MAGI1: variants seen among roughly 807,000 people sequenced by gnomAD.
MAGI1 encodes membrane associated guanylate kinase, WW and PDZ domain containing 1.
A neutral mutation model predicts 139.9 loss-of-function variants in MAGI1; 58 were observed. The observed-to-expected ratio is 0.41, with a 90% CI of 0.34 to 0.52. The LOEUF (loss-of-function observed/expected upper bound fraction) is 0.52, where lower values mean the gene tolerates loss of function less well. MAGI1 is among the 20% of genes least tolerant of loss of function. The pLI is 0.12. For missense variants in MAGI1, 1,874 were observed against 1,901.6 expected (o/e 0.99, Z 0.27); for synonymous variants, 812 against 737.9 (o/e 1.10, Z -1.63).
chr3:65,680,639 T>C (rs1164200190), intron 1 of MAGI1, among the ~76,000 whole-genome samples: 1 of 152,166 alleles, frequency 6.6e-6, no homozygotes, highest in Non-Finnish European at 1.5e-5. Flanking sequence ...CAGGCTGGTC[T>C]TGAACTCCTG....
chr3:65,560,003 TC>T (rs1441123552), intron 2 of MAGI1, among the ~76,000 whole-genome samples: 1 of 151,854 alleles, frequency 6.6e-6, no homozygotes, highest in Admixed American at 6.6e-5. Context: ...ACCACTACAC[TC>T]CAGCCTGGGC....
intron 1 of MAGI1, among the ~76,000 whole-genome samples, chr3:66,014,325 A>G (rs2107521009): frequency 6.6e-6 from 1 of 152,328 alleles, no homozygotes; most frequent in African/African-American, 2.4e-5. Context: ...TAAGGCACAC[A>G]CAAGCATACC....
In MAGI1 at chr3:65,589,255, C is replaced by A. The variant is rs114243054; in HGVS notation, c.430+32717G>T. Among the ~76,000 whole-genome samples the A allele has an allele frequency of 7.6e-3, 1,153 of 152,226 alleles. 8 individuals are homozygous for A. Among genetic ancestry groups the A allele is most frequent in the Admixed American group, 0.011 (164 of 15,290 alleles). On this transcript the variant is annotated intron_variant, in intron 2 of 22. Coordinates refer to ENST00000402939, the MANE Select transcript of MAGI1 (RefSeq NM_001033057.2). ...TATATTTTTATATATTAACAAGATACTATGAAAACAGATTCAAACTTAAAC... is the reference window on the plus strand; with the variant it reads ...TATATTTTTATATATTAACAAGATAATATGAAAACAGATTCAAACTTAAAC...
intron 1 of MAGI1, among the ~76,000 whole-genome samples, chr3:65,952,735 A>G (rs574057921): frequency 2.0e-5 from 3 of 152,272 alleles, no homozygotes; most frequent in East Asian, 3.9e-4. Flanking sequence ...AATGGCGTGA[A>G]CCCAGGAGGT....
intron 1 of MAGI1, among the ~76,000 whole-genome samples, chr3:65,811,299 C>G (rs1272790680): frequency 2.0e-5 from 3 of 152,186 alleles, no homozygotes; most frequent in South Asian, 2.1e-4. Flanking sequence ...CACTGACATT[C>G]CCCGGTAAGA....
Position 65,740,931 on chromosome 3 carries a change from T to C in MAGI1, c.314-118843A>G, listed in dbSNP as rs952287745. Among the ~76,000 whole-genome samples, 10 of 152,222 alleles carry C rather than the reference T, an allele frequency of 6.6e-5. No homozygotes were observed. The South Asian group carries it at 1.4e-3, about 22-fold the overall frequency. Reference sequence around the variant, plus strand: ...TGAGATCACTATTTTTCCTTCTTTATGCTTTTCTATCTTTCCTAAGTATTT... The same window carrying C: ...TGAGATCACTATTTTTCCTTCTTTACGCTTTTCTATCTTTCCTAAGTATTT... On this transcript the variant is annotated intron_variant, in intron 1 of 22. Transcript: ENST00000402939.
At chr3:65,826,752 C>T (rs1183623140) in intron 1 of MAGI1, among the ~76,000 whole-genome samples, 1 of 151,608 alleles carries the variant, frequency 6.6e-6, no homozygotes, top group African/African-American at 2.4e-5. Flanking sequence ...CATCTCAGAT[C>T]CTCCATAAAC....
intron 4 of MAGI1, 22 bp from the exon 5 acceptor site, chr3:65,470,506 TGAGAGAGAGA>T: frequency 2.2e-6 from 3 of 1,351,670 alleles, no homozygotes; most frequent in Non-Finnish European, 3.0e-6. Context: ...TGTGAAGAGG[TGAGAGAGAGA>T]GAGAGAGAAA....
Position 65,356,483 on chromosome 3 carries a change from T to C in MAGI1, c.4284A>G (p.Glu1428=). 1 of 1,611,884 alleles carries C rather than the reference T, an allele frequency of 6.2e-7. No individual in the cohort carries two copies. The highest frequency in any genetic ancestry group is 8.5e-7 in the Non-Finnish European group (1 of 1,179,974). Residue 1428 remains glutamate (E), a synonymous_variant, in exon 23 of 23, where the codon GAA becomes GAG. Transcript: ENST00000402939. The stretch of plus-strand genomic sequence containing the variant: ...CCTGTTTCAGATTCGCCTCTTCCCT[T>C]TCTCGGTGGCTGGCTCTGTCCTCTC... ...RNREDRASHR[E]REEANLKQDA...
chr3:65,543,213 G>A (rs528180821), intron 2 of MAGI1, among the ~76,000 whole-genome samples: 390 of 152,208 alleles, frequency 2.6e-3, no homozygotes, highest in Non-Finnish European at 3.8e-3. Flanking sequence ...ACCATCTCAC[G>A]CCAGTTAGAA....
chr3:66,028,086 C>T (rs2068390407), intron 1 of MAGI1, among the ~76,000 whole-genome samples: 1 of 152,204 alleles, frequency 6.6e-6, no homozygotes, highest in Admixed American at 6.5e-5. Flanking sequence ...AGGCAGATCG[C>T]TTGAGCCCAG....
chr3:65,623,154 G>C (rs2083775016), intron 1 of MAGI1, among the ~76,000 whole-genome samples: 1 of 152,166 alleles, frequency 6.6e-6, no homozygotes, highest in East Asian at 1.9e-4. Flanking sequence ...TAAATAAGTA[G>C]ACTTCACTCT....
chr3:65,969,238 A>G (rs2064903009), intron 1 of MAGI1, among the ~76,000 whole-genome samples: 1 of 152,206 alleles, frequency 6.6e-6, no homozygotes, highest in South Asian at 2.1e-4. Flanking sequence ...CACATGCCAC[A>G]AAACATTGCT....
At chr3:65,850,865 G>C (rs757865411) in intron 1 of MAGI1, among the ~76,000 whole-genome samples, 1 of 152,136 alleles carries the variant, frequency 6.6e-6, no homozygotes, top group Non-Finnish European at 1.5e-5. Flanking sequence ...CCAGCACTTT[G>C]GGAGGCCGAG....
At chr3:65,804,461 AT>A (rs1414728559) in intron 1 of MAGI1, among the ~76,000 whole-genome samples, 1 of 151,792 alleles carries the variant, frequency 6.6e-6, no homozygotes, top group Non-Finnish European at 1.5e-5. Flanking sequence ...TTATATCAAT[AT>A]GTTATACTGA....
chr3:65,652,219 T>A (rs1228326421), intron 1 of MAGI1, among the ~76,000 whole-genome samples: 1 of 152,124 alleles, frequency 6.6e-6, no homozygotes, highest in African/African-American at 2.4e-5. Context: ...CTGTAAAAAT[T>A]TTTGTTTTCA....
intron 5 of MAGI1, among the ~76,000 whole-genome samples, chr3:65,462,078 C>G (rs1222776691): frequency 1.3e-5 from 2 of 152,122 alleles, no homozygotes; most frequent in African/African-American, 4.8e-5. Flanking sequence ...TGCCCATTCA[C>G]TATGATGATA....
intron 1 of MAGI1, among the ~76,000 whole-genome samples, chr3:65,970,468 T>C (rs957820680): frequency 1.3e-5 from 2 of 151,074 alleles, no homozygotes; most frequent in African/African-American, 4.9e-5. Flanking sequence ...GAAGTGTACA[T>C]GCAAAAGTGG....
At chr3:65,722,868 A>G (rs1242360554) in intron 1 of MAGI1, among the ~76,000 whole-genome samples, 1 of 152,078 alleles carries the variant, frequency 6.6e-6, no homozygotes, top group African/African-American at 2.4e-5. Context: ...TTCTGTTTCT[A>G]ACGGTGAATA....
Sources: allele counts gnomAD v4.1 joint callset (sites outside exome capture counted in the v4.1 genomes callset), GRCh38; gene constraint gnomAD v4.1.1; transcripts MANE v1.5; gene names NCBI Gene and HGNC (gene_info 2026-07-23, HGNC 2026-07-21).